The following EHMT1 variants were observed in gnomAD, a reference collection of about 807,000 sequenced individuals.
EHMT1 encodes the protein euchromatic histone lysine methyltransferase 1.
In EHMT1, 15 loss-of-function variants were observed where a neutral mutation model predicts 147.2. That is an observed-to-expected ratio of 0.10 (90% CI 0.07 to 0.16). The LOEUF (loss-of-function observed/expected upper bound fraction) is 0.16. Ranked by LOEUF, EHMT1 falls within the 10% of genes least tolerant of loss-of-function variation. The pLI is 1.00. For synonymous variants in EHMT1, 795 were observed against 709.6 expected (o/e 1.12, Z -1.91); for missense variants, 1,587 against 1,772.4 (o/e 0.90, Z 1.88).
At chr9:137,743,879 GTA>G in intron 5 of EHMT1, 21 bp from the exon 6 acceptor site, 1 of 1,599,922 alleles carries the variant, frequency 6.3e-7, no homozygotes, top group Non-Finnish European at 8.5e-7. Context: ...CTGCCTTGGG[GTA>G]TACACCTGCC....
chr9:137,799,437 G>A (rs1345878835), intron 17 of EHMT1, among the ~76,000 whole-genome samples: 3 of 152,318 alleles, frequency 2.0e-5, no homozygotes, highest in Middle Eastern at 3.4e-3. Context: ...CCACGGGGCA[G>A]GGTTTGCCAT....
intron 18 of EHMT1, among the ~76,000 whole-genome samples, chr9:137,809,228 A>G (rs1168642819): frequency 6.6e-6 from 1 of 152,138 alleles, no homozygotes; most frequent in African/African-American, 2.4e-5. Flanking sequence ...AGACCAGGCC[A>G]CTCGGTTTCT....
chr9:137,777,538 A>AT (rs1951048284), intron 12 of EHMT1: 1 of 358,968 alleles, frequency 2.8e-6, no homozygotes, highest in Non-Finnish European at 5.1e-6. Context: ...AATTGTGGAC[A>AT]TGTTAAGGTG....
intron 10 of EHMT1, among the ~76,000 whole-genome samples, chr9:137,769,570 C>T (rs1257183661): frequency 6.6e-6 from 1 of 151,656 alleles, no homozygotes; most frequent in African/African-American, 2.4e-5. Flanking sequence ...GTGTGGCTTG[C>T]ATGGTTTCTA....
Position 137,813,611 on chromosome 9 carries a change from C to G in EHMT1, c.3180+81C>G. 1.3e-6 allele frequency: 2 copies of G among 1,584,802 alleles called. No individual in the cohort carries two copies. The highest frequency in any genetic ancestry group is 1.7e-6 in the Non-Finnish European group (2 of 1,165,658). ...CTTCTTGAGCCTGGGGTCCTGGGTT[C>G]TCACCACTCAGAGCAGGAGGGCTTA... On this transcript the variant is annotated intron_variant, in intron 21 of 26. Coordinates refer to ENST00000460843, the MANE Select transcript of EHMT1 (RefSeq NM_024757.5). The surrounding 1 kb of genome is among the most constrained non-coding windows in gnomAD (Gnocchi z 4.9).
chr9:137,656,721 T>G (rs1201969668), intron 1 of EHMT1, among the ~76,000 whole-genome samples: 2 of 151,652 alleles, frequency 1.3e-5, no homozygotes. Flanking sequence ...CTGGATGCCC[T>G]TCCTTTTTTT....
At chr9:137,654,378 C>T (rs1478819040) in intron 1 of EHMT1, among the ~76,000 whole-genome samples, 3 of 127,270 alleles carry the variant, frequency 2.4e-5, no homozygotes, top group African/African-American at 8.6e-5. Flanking sequence ...CACCCCTTAC[C>T]ACCTCCCCCC....
chr9:137,780,359 G>A (rs1296294679), intron 14 of EHMT1, among the ~76,000 whole-genome samples: 4 of 123,196 alleles, frequency 3.2e-5, no homozygotes, highest in African/African-American at 1.4e-4. Flanking sequence ...GAGACGTGTG[G>A]TGATGACGCT....
chr9:137,826,751 C>T (rs1588911668), intron 25 of EHMT1, among the ~76,000 whole-genome samples: 1 of 152,198 alleles, frequency 6.6e-6, no homozygotes, highest in Non-Finnish European at 1.5e-5. Context: ...GCATTGTGCA[C>T]ACAGGCCTGT....
intron 1 of EHMT1, among the ~76,000 whole-genome samples, chr9:137,662,160 T>A (rs1250781284): frequency 6.6e-6 from 1 of 152,152 alleles, no homozygotes; most frequent in East Asian, 1.9e-4. Context: ...ATATATATAT[T>A]TTTTACACAT....
chr9:137,646,445 G>A (rs554093094), intron 1 of EHMT1: 28 of 985,406 alleles, frequency 2.8e-5, no homozygotes, highest in Non-Finnish European at 3.3e-5. Context: ...GAAAGTAAGA[G>A]GGCTGAATGG....
Position 137,630,013 on chromosome 9 carries a change from A to G in EHMT1, c.21+10964A>G, listed in dbSNP as rs186653932. Reference sequence around the variant, plus strand: ...GAAAAACAAAGCTAAAGTGGCTGCTATAACTCTTCAGAGGTAGCATTTCCT... The same window carrying G: ...GAAAAACAAAGCTAAAGTGGCTGCTGTAACTCTTCAGAGGTAGCATTTCCT... On this transcript the variant is annotated intron_variant, in intron 1 of 26. Transcript: ENST00000460843. Among the ~76,000 whole-genome samples the G allele has an allele frequency of 1.4e-4, 21 of 152,348 alleles. No homozygotes were observed. The East Asian group carries it at 3.7e-3, about 27-fold the overall frequency.
At chr9:137,744,709 G>A (rs1243403269) in intron 6 of EHMT1, among the ~76,000 whole-genome samples, 2 of 152,252 alleles carry the variant, frequency 1.3e-5, no homozygotes, top group Non-Finnish European at 2.9e-5. Context: ...CTCGTTTGTG[G>A]TTGGCTTTGC....
chr9:137,632,393 G>T (rs953737073), intron 1 of EHMT1, among the ~76,000 whole-genome samples: 3 of 152,176 alleles, frequency 2.0e-5, no homozygotes, highest in Non-Finnish European at 4.4e-5. Context: ...CCTTGAAAAT[G>T]CAGAGGCGAA....
At position 137,813,193 on chromosome 9, in the gene EHMT1, G is replaced by C; in HGVS notation, c.3035+20G>C. ...GAGCAGGTGAGCCCAGCCCCAGGAC[G>C]GCTTTGTGGCAAATCAGCGGTCAGC... On this transcript the variant is annotated intron_variant, in intron 20 of 26. Coordinates refer to ENST00000460843, the MANE Select transcript of EHMT1 (RefSeq NM_024757.5). This position sits in a 1 kb window ranked among gnomAD's most constrained non-coding sequence, Gnocchi z 4.9. 1 of 1,605,242 alleles carries C rather than the reference G, an allele frequency of 6.2e-7. No individual in the cohort carries two copies. The highest frequency in any genetic ancestry group is 1.1e-5 in the South Asian group (1 of 91,032).
intron 6 of EHMT1, chr9:137,745,588 G>C (rs556297155): frequency 2.5e-6 from 1 of 398,484 alleles, no homozygotes; most frequent in Non-Finnish European, 4.4e-6. Flanking sequence ...AGCCCTCCCC[G>C]AAGGACAGGC....
At chr9:137,834,661 A>T (rs1956476311) in intron 26 of EHMT1, 112 bp from the exon 27 acceptor site, 2 of 1,596,848 alleles carry the variant, frequency 1.3e-6, no homozygotes, top group Non-Finnish European at 1.7e-6. Flanking sequence ...GCGACCTGGG[A>T]TGCGGCACGG....
At chr9:137,721,130 TCTCCCAGACTTCTCACACTCACCC>T (rs1945922452) in intron 3 of EHMT1, among the ~76,000 whole-genome samples, 1 of 138,006 alleles carries the variant, frequency 7.2e-6, no homozygotes, top group Non-Finnish European at 1.5e-5. Context: ...GGGAGCATCC[TCTCCCAGACTTCTCACACTCACCC>T]CTCCCAGACT....
chr9:137,763,943 C>G (rs1424702040), intron 10 of EHMT1: 27 of 152,442 alleles, frequency 1.8e-4, no homozygotes, highest in Admixed American at 1.8e-3. Context: ...TGGAACAGGC[C>G]AGTCAGTTTC....
Sources: gnomAD v4.1 joint callset for allele counts (sites outside exome capture counted in the v4.1 genomes callset) on GRCh38, gnomAD v4.1.1 for gene constraint, Gnocchi (gnomAD v3.1) non-coding constraint, MANE v1.5 for transcripts, NCBI Gene and HGNC (gene_info 2026-07-23, HGNC 2026-07-21) for gene names.